Variants in CAMKMT observed in about 807,000 individuals in gnomAD.
The protein encoded by CAMKMT is calmodulin-lysine N-methyltransferase.
Under a neutral mutation model 48.0 loss-of-function variants are expected in CAMKMT, and 53 were observed. The ratio of observed to expected loss-of-function variants is 1.10; its 90% CI spans 0.89 to 1.39. The LOEUF is 1.39. Among genes scored for constraint, CAMKMT ranks in the 40% most tolerant of loss-of-function variants. The pLI, the probability that CAMKMT is intolerant of heterozygous loss-of-function variation, is 0.00. For missense variants in CAMKMT, 428 were observed against 402.7 expected (o/e 1.06, Z -0.54); for synonymous variants, 165 against 152.3 (o/e 1.08, Z -0.61).
chr2:44,590,499 G>C (rs893139368), intron 3 of CAMKMT, among the ~76,000 whole-genome samples: 1 of 152,154 alleles, frequency 6.6e-6, no homozygotes, highest in African/African-American at 2.4e-5. Context: ...GCATTTCTCT[G>C]ATGGCCAGTG....
chr2:44,429,860 G>A (rs1046814075), intron 3 of CAMKMT, among the ~76,000 whole-genome samples: 5 of 151,082 alleles, frequency 3.3e-5, no homozygotes, highest in Non-Finnish European at 7.4e-5. Flanking sequence ...TCAGAGTCAG[G>A]TGCTAATTTA....
intron 3 of CAMKMT, among the ~76,000 whole-genome samples, chr2:44,567,137 G>A (rs2103719894): frequency 6.6e-6 from 1 of 152,214 alleles, no homozygotes; most frequent in South Asian, 2.1e-4. Context: ...GGCATTCTCA[G>A]TATGGAATTA....
chr2:44,692,224 G>A (rs1242401511), intron 3 of CAMKMT, among the ~76,000 whole-genome samples: 5 of 151,908 alleles, frequency 3.3e-5, no homozygotes. Context: ...TGTCACAACA[G>A]TAATAGCAGC....
Position 44,573,390 on chromosome 2 carries a change from C to G in CAMKMT, c.377-130893C>G, listed in dbSNP as rs189940276. Among the ~76,000 whole-genome samples the G allele has an allele frequency of 7.0e-4, 105 of 150,650 alleles. No individual in the cohort carries two copies. In the East Asian group the frequency reaches 0.017, roughly 25 times the overall value. On this transcript the variant is annotated intron_variant, in intron 3 of 10. Transcript: ENST00000378494. The stretch of plus-strand genomic sequence containing the variant: ...CCTTCCTATAGGTTGCTTTTTCACT[C>G]TGTTTTTTTTTAGTGTATATTATCT...
chr2:44,561,256 C>G (rs1558703870), intron 3 of CAMKMT, among the ~76,000 whole-genome samples: 1 of 152,126 alleles, frequency 6.6e-6, no homozygotes, highest in Non-Finnish European at 1.5e-5. Context: ...CTACGTCTTA[C>G]CAAAATCATG....
intron 2 of CAMKMT, among the ~76,000 whole-genome samples, chr2:44,383,979 G>A (rs59253595): frequency 0.098 from 14,932 of 152,138 alleles, 2,440 homozygotes; most frequent in African/African-American, 0.34. Context: ...ATTTTCCTCT[G>A]GGTAGATACC....
rs148160248 is a variant in CAMKMT at position 44,451,321 on chromosome 2, T to G, written c.376+61016T>G. Among the ~76,000 whole-genome samples the G allele has an allele frequency of 1.8e-3, 272 of 152,202 alleles. 1 individual carries two copies. The highest frequency in any genetic ancestry group is 2.9e-3 in the Non-Finnish European group (198 of 67,938). The stretch of plus-strand genomic sequence containing the variant: ...AGACAAAGTGTTGAATAGTTTTCAT[T>G]TCTGATACATTAATGATTAGAAAAA... On this transcript the variant is annotated intron_variant, in intron 3 of 10. Coordinates refer to ENST00000378494, the MANE Select transcript of CAMKMT (RefSeq NM_024766.5).
chr2:44,614,935 G>GGTTTTTTTTTTTTTTTTT (rs1671789368), intron 3 of CAMKMT, among the ~76,000 whole-genome samples: 1 of 33,880 alleles, frequency 3.0e-5, no homozygotes, highest in Non-Finnish European at 6.2e-5. Flanking sequence ...TGGTCTCCTT[G>GGTTTTTTTTTTTTTTTTT]CTTTTTTTTT....
Position 44,679,207 on chromosome 2 carries a change from T to C in CAMKMT, c.377-25076T>C, listed in dbSNP as rs138536198. Reference sequence around the variant, plus strand: ...GTGAATCAATGCTTGAGGAATATTGTGACCATTTATTTGCCTATTCTCTTT... The same window carrying C: ...GTGAATCAATGCTTGAGGAATATTGCGACCATTTATTTGCCTATTCTCTTT... On this transcript the variant is annotated intron_variant, in intron 3 of 10. Transcript: ENST00000378494. Among the ~76,000 whole-genome samples, 136 of 152,318 alleles carry C rather than the reference T, an allele frequency of 8.9e-4. 3 individuals are homozygous for C. In the East Asian group the frequency reaches 0.026, roughly 29 times the overall value.
intron 3 of CAMKMT, among the ~76,000 whole-genome samples, chr2:44,601,832 T>G (rs2103859679): frequency 6.6e-6 from 1 of 152,170 alleles, no homozygotes; most frequent in Middle Eastern, 3.4e-3. Context: ...GAAGGACAGT[T>G]TGGAAAACAC....
chr2:44,661,533 C>G (rs939132609), intron 3 of CAMKMT, among the ~76,000 whole-genome samples: 6 of 152,082 alleles, frequency 3.9e-5, no homozygotes, highest in African/African-American at 1.4e-4. Flanking sequence ...CCAGGCTGGT[C>G]TTGAACTCCT....
intron 3 of CAMKMT, chr2:44,549,738 C>G: frequency 2.0e-6 from 1 of 509,832 alleles, no homozygotes; most frequent in Non-Finnish European, 3.5e-6. Context: ...AGTAAGTAAG[C>G]CTATGTCCTA....
At chr2:44,451,254 T>C (rs1437801766) in intron 3 of CAMKMT, among the ~76,000 whole-genome samples, 2 of 152,014 alleles carry the variant, frequency 1.3e-5, no homozygotes, top group African/African-American at 4.8e-5. Context: ...GTATTAGAGG[T>C]TTGAAGTAGA....
At chr2:44,399,760 CTTG>C (rs1682192231) in intron 3 of CAMKMT, among the ~76,000 whole-genome samples, 1 of 151,976 alleles carries the variant, frequency 6.6e-6, no homozygotes, top group Non-Finnish European at 1.5e-5. Context: ...TAGGATTTTT[CTTG>C]CAGGAGGTGA....
At chr2:44,742,621 T>C (rs2104371398) in intron 7 of CAMKMT, among the ~76,000 whole-genome samples, 1 of 152,252 alleles carries the variant, frequency 6.6e-6, no homozygotes, top group Admixed American at 6.5e-5. Context: ...TGTGGTGATG[T>C]CTTTAATCTT....
chr2:44,459,229 A>G (rs149588348), intron 3 of CAMKMT, among the ~76,000 whole-genome samples: 8 of 152,346 alleles, frequency 5.3e-5, no homozygotes, highest in African/African-American at 1.7e-4. Context: ...GTTATTGTAT[A>G]TTCAAAACAG....
intron 3 of CAMKMT, among the ~76,000 whole-genome samples, chr2:44,609,299 C>T (rs990852094): frequency 1.3e-5 from 2 of 152,090 alleles, no homozygotes; most frequent in African/African-American, 4.8e-5. Context: ...GTGTGGTTAC[C>T]ATAGTTAATG....
At chr2:44,575,409 T>A (rs1164113846) in intron 3 of CAMKMT, among the ~76,000 whole-genome samples, 2 of 152,236 alleles carry the variant, frequency 1.3e-5, no homozygotes, top group African/African-American at 4.8e-5. Context: ...TTCTTTTATA[T>A]TTTCAGTAAC....
intron 3 of CAMKMT, among the ~76,000 whole-genome samples, chr2:44,436,662 A>T (rs189625587): frequency 6.6e-6 from 1 of 152,210 alleles, no homozygotes; most frequent in Non-Finnish European, 1.5e-5. Flanking sequence ...ATTTGACCAA[A>T]AGTACTTAGT....
Sources: allele counts gnomAD v4.1 joint callset (sites outside exome capture counted in the v4.1 genomes callset), GRCh38; gene constraint gnomAD v4.1.1; transcripts MANE v1.5; gene names NCBI Gene and HGNC (gene_info 2026-07-23, HGNC 2026-07-21).